The following WWC2 variants were observed in gnomAD, a reference collection of about 807,000 sequenced individuals.
WWC2 encodes WW and C2 domain containing 2, also known as protein WWC2.
A neutral mutation model predicts 138.5 loss-of-function variants in WWC2; 101 were observed. The ratio of observed to expected loss-of-function variants is 0.73; its 90% confidence interval spans 0.62 to 0.86. The LOEUF (loss-of-function observed/expected upper bound fraction) is 0.86. WWC2 is among the 40% of genes least tolerant of loss of function. The pLI, the probability that WWC2 is intolerant of heterozygous loss-of-function variation, is 0.00. For synonymous variants in WWC2, 558 were observed against 538.4 expected, an observed-to-expected ratio of 1.04 and a Z score of -0.50; for missense variants, 1,420 against 1,419.4, an observed-to-expected ratio of 1.00 and a Z score of -0.01.
chr4:183,253,810 GGGCACT>G lies in WWC2; in HGVS notation c.1010_1015del (p.Ala337_Leu338del). 6.2e-7 allele frequency: 1 copy of G among 1,613,602 alleles called. No homozygotes were observed. The highest frequency in any genetic ancestry group is 8.5e-7 in the Non-Finnish European group (1 of 1,179,784). On this transcript the variant is annotated inframe_deletion, in exon 9 of 23. Coordinates refer to ENST00000403733, the MANE Select transcript of WWC2 (RefSeq NM_024949.6). ...AAATTGGACAGTGAGGCCTGGCCTG[GGGCACT>G]GGATATTGAGAAGGAAAAACTGATG...
intron 1 of WWC2, among the ~76,000 whole-genome samples, chr4:183,184,974 T>G (rs1734747214): frequency 6.6e-6 from 1 of 152,210 alleles, no homozygotes; most frequent in African/African-American, 2.4e-5. Flanking sequence ...TATTTTTAAC[T>G]TGAGCTTGTT....
intron 1 of WWC2, among the ~76,000 whole-genome samples, chr4:183,181,438 T>C (rs1477319944): frequency 6.6e-6 from 1 of 152,176 alleles, no homozygotes; most frequent in East Asian, 1.9e-4. Flanking sequence ...CTACGGTAGA[T>C]TGAGGTCTGC....
At chr4:183,137,131 A>C (rs1733142887) in intron 1 of WWC2, among the ~76,000 whole-genome samples, 1 of 152,198 alleles carries the variant, frequency 6.6e-6, no homozygotes, top group Non-Finnish European at 1.5e-5. Context: ...CTTCAACATT[A>C]CTGTACACTA....
In WWC2 at chr4:183,319,302, A is replaced by G. The variant is rs913641884; in HGVS notation, c.*3573A>G. ...ATGTTTTATTTACCACTTCTGTGCA[A>G]TCGCTATTTTAAAATTGAGAAAACT... On this transcript the variant is annotated 3_prime_UTR_variant, in exon 23 of 23. Coordinates refer to ENST00000403733, the MANE Select transcript of WWC2 (RefSeq NM_024949.6). The G allele has an allele frequency of 4.8e-6, 2 of 417,730 alleles. No homozygotes were observed. Among genetic ancestry groups the G allele is most frequent in the South Asian group, 4.4e-5 (1 of 22,706 alleles). 25.9% of individuals were successfully genotyped at this position (417,730 alleles called of 1,614,324 possible).
chr4:183,125,822 A>G (rs1732740172), intron 1 of WWC2, among the ~76,000 whole-genome samples: 2 of 152,230 alleles, frequency 1.3e-5, no homozygotes, highest in Admixed American at 6.5e-5. Flanking sequence ...GGGAGAAAAC[A>G]TCCCTCATTC....
chr4:183,128,190 T>C (rs1414716962), intron 1 of WWC2, among the ~76,000 whole-genome samples: 15 of 151,980 alleles, frequency 9.9e-5, no homozygotes, highest in Non-Finnish European at 8.8e-5. Flanking sequence ...AATACAAATA[T>C]TAGCCGAGTG....
intron 1 of WWC2, among the ~76,000 whole-genome samples, chr4:183,190,585 G>A (rs1734962907): frequency 6.6e-6 from 1 of 151,944 alleles, no homozygotes; most frequent in Admixed American, 6.5e-5. Flanking sequence ...TGCAGAGAAA[G>A]TATATATATT....
chr4:183,226,942 G>A (rs750100042), intron 4 of WWC2, among the ~76,000 whole-genome samples: 4 of 152,064 alleles, frequency 2.6e-5, no homozygotes, highest in East Asian at 1.9e-4. Flanking sequence ...AGCTGGCTTT[G>A]CCCTGAGGAA....
chr4:183,288,295 A>C (rs1382281461), intron 20 of WWC2, among the ~76,000 whole-genome samples: 1 of 152,214 alleles, frequency 6.6e-6, no homozygotes, highest in Non-Finnish European at 1.5e-5. Context: ...TGGCATGAGC[A>C]CTACCATTAT....
chr4:183,103,365 G>A (rs1163997688), intron 1 of WWC2, among the ~76,000 whole-genome samples: 2 of 137,012 alleles, frequency 1.5e-5, no homozygotes, highest in Admixed American at 7.7e-5. Flanking sequence ...CGGTGTTTTC[G>A]TTCTGTTGCC....
chr4:183,234,095 G>A (rs1433243230), intron 4 of WWC2, among the ~76,000 whole-genome samples: 1 of 152,104 alleles, frequency 6.6e-6, no homozygotes, highest in Non-Finnish European at 1.5e-5. Context: ...TTCCTTCATT[G>A]TCATCTTCTT....
intron 21 of WWC2, among the ~76,000 whole-genome samples, chr4:183,300,032 A>G (rs534002269): frequency 6.6e-6 from 1 of 152,306 alleles, no homozygotes; most frequent in East Asian, 1.9e-4. Context: ...GTCCTCGTGT[A>G]TTGTAAAACC....
intron 4 of WWC2, among the ~76,000 whole-genome samples, chr4:183,224,566 T>TG (rs2111272141): frequency 6.6e-6 from 1 of 151,726 alleles, no homozygotes; most frequent in African/African-American, 2.4e-5. Flanking sequence ...TTTTTGTTTT[T>TG]TGTTTATTTT....
intron 9 of WWC2, among the ~76,000 whole-genome samples, chr4:183,256,809 C>T (rs565715090): frequency 2.0e-5 from 3 of 150,000 alleles, no homozygotes; most frequent in South Asian, 4.2e-4. Context: ...GGCAAGATTC[C>T]GAGTCATTGC....
intron 21 of WWC2, among the ~76,000 whole-genome samples, chr4:183,295,608 C>T (rs553902796): frequency 4.8e-4 from 73 of 152,324 alleles, no homozygotes; most frequent in Middle Eastern, 3.4e-3. Context: ...ATCAGTATTT[C>T]TTAGAGACCT....
intron 19 of WWC2, 128 bp downstream of exon 19, chr4:183,284,518 C>G (rs1379069204): frequency 7.4e-5 from 81 of 1,100,120 alleles, no homozygotes; most frequent in Non-Finnish European, 9.8e-5. Context: ...GCTAGAAATG[C>G]TGTAAAACAG....
intron 1 of WWC2, among the ~76,000 whole-genome samples, chr4:183,108,463 G>C (rs1402830692): frequency 6.6e-6 from 1 of 152,070 alleles, no homozygotes; most frequent in African/African-American, 2.4e-5. Context: ...CACCAATAAG[G>C]AAAGTCTGAG....
At position 183,319,920 on chromosome 4, in the gene WWC2, A is replaced by G; in HGVS notation, c.*4191A>G. The G allele has an allele frequency of 2.5e-6, 4 of 1,613,782 alleles. No homozygotes were observed. In the South Asian group the frequency reaches 3.3e-5, roughly 13 times the overall value. On this transcript the variant is annotated 3_prime_UTR_variant, in exon 23 of 23. Coordinates refer to ENST00000403733, the MANE Select transcript of WWC2 (RefSeq NM_024949.6). ...TCCAATTCTCAAACAGTCCAGGCCAAACCCAGAGACCAGCAGGCCCAGAAA... is the reference window on the plus strand; with the variant it reads ...TCCAATTCTCAAACAGTCCAGGCCAGACCCAGAGACCAGCAGGCCCAGAAA...
chr4:183,124,536 C>CTTTTTTTTTTTTTTTTTTTTTTTT (rs370409813), intron 1 of WWC2, among the ~76,000 whole-genome samples: 1 of 122,810 alleles, frequency 8.1e-6, no homozygotes, highest in African/African-American at 3.1e-5. Flanking sequence ...TCCTTTTTCT[C>CTTTTTTTTTTTTTTTTTTTTTTTT]TTTTTTTTTT....
Sources: gnomAD v4.1 joint callset for allele counts (sites outside exome capture counted in the v4.1 genomes callset) on GRCh38, gnomAD v4.1.1 for gene constraint, MANE v1.5 for transcripts, NCBI Gene and HGNC (gene_info 2026-07-23, HGNC 2026-07-21) for gene names.